ZYG11A: variants seen among roughly 807,000 people sequenced by gnomAD.
ZYG11A encodes the protein protein zyg-11 homolog A.
Under a neutral mutation model 77.2 loss-of-function variants are expected in ZYG11A, and 62 were observed. That is an observed-to-expected ratio of 0.80 (90% confidence interval 0.65 to 0.99). The LOEUF is 0.99. Ranked by LOEUF, ZYG11A falls within the 50% of genes least tolerant of loss-of-function variation. The pLI, the probability that ZYG11A is intolerant of heterozygous loss-of-function variation, is 0.00. For missense variants in ZYG11A, 828 were observed against 896.8 expected, an observed-to-expected ratio of 0.92 and a Z score of 0.98; for synonymous variants, 315 against 324.6, an observed-to-expected ratio of 0.97 and a Z score of 0.32.
intron 13 of ZYG11A, among the ~76,000 whole-genome samples, chr1:52,889,430 C>G (rs935137538): frequency 6.7e-6 from 1 of 150,362 alleles, no homozygotes; most frequent in Non-Finnish European, 1.5e-5. Context: ...AATTTTTTTT[C>G]TTTTAAATTA....
At chr1:52,869,922 C>T (rs1280526992) in intron 8 of ZYG11A, among the ~76,000 whole-genome samples, 4 of 67,336 alleles carry the variant, frequency 5.9e-5, no homozygotes, top group East Asian at 4.2e-4. Flanking sequence ...ACCCCCCCCA[C>T]ACCTCCCTCC....
Position 52,881,627 on chromosome 1 carries a change from T to C in ZYG11A, c.1906T>C (p.Ser636Pro). The C allele has an allele frequency of 6.4e-7, 1 of 1,552,324 alleles. No homozygotes were observed. Among genetic ancestry groups the C allele is most frequent in the Non-Finnish European group, 8.7e-7 (1 of 1,147,126 alleles). The stretch of plus-strand genomic sequence containing the variant: ...GACATCTGACAGACAGCTTTGGATA[T>C]CCCGTGACTTCCAGAGGCGTACTCT... Reference protein sequence around the residue: ...HLTSDRQLWISRDFQRRTLLQ... With the variant: ...HLTSDRQLWIPRDFQRRTLLQ... Residue 636 changes from serine (S) to proline (P), a missense_variant, in exon 11 of 14, where the codon TCC (serine) becomes CCC (proline). Physicochemically the swap from Ser to Pro is moderately conservative, Grantham distance 74. Transcript: ENST00000371528.
At chr1:52,887,589 C>A (rs943012426) in intron 13 of ZYG11A, among the ~76,000 whole-genome samples, 5 of 151,732 alleles carry the variant, frequency 3.3e-5, no homozygotes, top group African/African-American at 1.2e-4. Flanking sequence ...ATTTAAAATC[C>A]CTTTTGAGGC....
At chr1:52,879,973 C>G (rs1374405934) in intron 10 of ZYG11A, among the ~76,000 whole-genome samples, 2 of 151,266 alleles carry the variant, frequency 1.3e-5, no homozygotes, top group Non-Finnish European at 2.9e-5. Flanking sequence ...ACCATGTTAG[C>G]CAGGATGGTC....
At chr1:52,890,348 C>A (rs1357066837) in intron 13 of ZYG11A, among the ~76,000 whole-genome samples, 1 of 143,830 alleles carries the variant, frequency 7.0e-6, no homozygotes, top group Non-Finnish European at 1.5e-5. Flanking sequence ...GGTTCCCCTG[C>A]CTCAGCCTCC....
At chr1:52,856,062 T>C (rs1039474848) in intron 2 of ZYG11A, among the ~76,000 whole-genome samples, 8 of 152,196 alleles carry the variant, frequency 5.3e-5, no homozygotes, top group Non-Finnish European at 1.2e-4. Flanking sequence ...GGCTGTACTA[T>C]TTTACATTCC....
At chr1:52,874,357 G>C (rs148534711) in intron 8 of ZYG11A, among the ~76,000 whole-genome samples, 3,838 of 152,134 alleles carry the variant, frequency 0.025, 70 homozygotes, top group Non-Finnish European at 0.04. Context: ...TGATCTTCCT[G>C]CCTCAGCCTC....
chr1:52,877,291 T>C (rs1275417540), intron 8 of ZYG11A, among the ~76,000 whole-genome samples: 1 of 152,210 alleles, frequency 6.6e-6, no homozygotes, highest in Non-Finnish European at 1.5e-5. Context: ...ACAACCAAAA[T>C]TTAAAATTCT....
chr1:52,866,647 A>G, intron 6 of ZYG11A, 80 bp downstream of exon 6: 1 of 809,014 alleles, frequency 1.2e-6, no homozygotes, highest in Non-Finnish European at 2.0e-6. Context: ...GGCTGGGATA[A>G]GGTGTTTGGA....
intron 6 of ZYG11A, 139 bp downstream of exon 6, chr1:52,866,706 C>T (rs1646033325): frequency 1.9e-6 from 1 of 536,558 alleles, no homozygotes; most frequent in Admixed American, 3.5e-5. Flanking sequence ...TAGAAGTACC[C>T]TACTAGAAAA....
At chr1:52,878,949 C>CAAA (rs914463472) in intron 10 of ZYG11A, among the ~76,000 whole-genome samples, 14 of 27,256 alleles carry the variant, frequency 5.1e-4, no homozygotes, top group African/African-American at 1.1e-3. Context: ...AAACTCTGCT[C>CAAA]AAAAAAAAAA....
At chr1:52,859,426 C>T (rs1041899835) in intron 3 of ZYG11A, among the ~76,000 whole-genome samples, 2 of 151,988 alleles carry the variant, frequency 1.3e-5, no homozygotes, top group Non-Finnish European at 2.9e-5. Flanking sequence ...ATCTCCGCCT[C>T]CCGGGTTCAC....
chr1:52,867,587 C>G lies in ZYG11A; in HGVS notation c.1440C>G (p.Asn480Lys). 1 of 1,552,296 alleles carries G rather than the reference C, an allele frequency of 6.4e-7. No individual in the cohort carries two copies. Among genetic ancestry groups the G allele is most frequent in the Non-Finnish European group, 8.7e-7 (1 of 1,147,128 alleles). The change falls in exon 7 of 14, where the codon AAC becomes AAG. Residue 480 changes from asparagine to lysine, a missense_variant. Transcript: ENST00000371528. ...FVMRWLCKHE[N>K]PKMQTMAVSV... Reference sequence around the variant, plus strand: ...TGAGATGGCTCTGTAAGCATGAAAACCCCAAGATGCAAACAATGGCAGTGA... The same window carrying G: ...TGAGATGGCTCTGTAAGCATGAAAAGCCCAAGATGCAAACAATGGCAGTGA...
At chr1:52,854,758 A>G in intron 2 of ZYG11A, 128 bp downstream of exon 2, 1 of 993,056 alleles carries the variant, frequency 1.0e-6, no homozygotes, top group Non-Finnish European at 1.4e-6. Flanking sequence ...GTTGAGACTC[A>G]CTCTTTCTGG....
At position 52,867,771 on chromosome 1, in the gene ZYG11A, A is replaced by T; in HGVS notation, c.1536A>T (p.Ala512=). 6.4e-7 allele frequency: 1 copy of T among 1,551,400 alleles called. No homozygotes were observed. Among genetic ancestry groups the T allele is most frequent in the Non-Finnish European group, 8.7e-7 (1 of 1,146,912 alleles). ...QTAQLEELFM[A]VKELLAIVKQ... The stretch of plus-strand genomic sequence containing the variant: ...CACAGCTTGAAGAGCTTTTCATGGC[A>T]GTTAAGGTAGGTTCCTTGTCATGTT... Residue 512 remains alanine, a synonymous_variant, in exon 8 of 14, where the codon GCA becomes GCT. Coordinates refer to ENST00000371528, the MANE Select transcript of ZYG11A (RefSeq NM_001004339.3).
chr1:52,862,173 C>T (rs946828288), intron 4 of ZYG11A, among the ~76,000 whole-genome samples: 2 of 151,652 alleles, frequency 1.3e-5, no homozygotes, highest in African/African-American at 4.8e-5. Flanking sequence ...GATACCACTG[C>T]ACTCCAGCCT....
chr1:52,848,687 G>A (rs1451831444), intron 1 of ZYG11A, among the ~76,000 whole-genome samples: 1 of 151,980 alleles, frequency 6.6e-6, no homozygotes, highest in African/African-American at 2.4e-5. Context: ...TTCAAGACCA[G>A]CCTGGAGAAT....
At chr1:52,859,008 G>T (rs879665557) in intron 3 of ZYG11A, among the ~76,000 whole-genome samples, 20 of 152,076 alleles carry the variant, frequency 1.3e-4, no homozygotes, top group Non-Finnish European at 2.8e-4. Flanking sequence ...ATACTCATTA[G>T]TTGTGTTAAC....
At chr1:52,870,799 G>C (rs1646146111) in intron 8 of ZYG11A, among the ~76,000 whole-genome samples, 1 of 152,050 alleles carries the variant, frequency 6.6e-6, no homozygotes, top group South Asian at 2.1e-4. Flanking sequence ...GCAGTGAGCT[G>C]AGATGGCAGC....
Sources: allele counts gnomAD v4.1 joint callset (sites outside exome capture counted in the v4.1 genomes callset), GRCh38; gene constraint gnomAD v4.1.1; transcripts MANE v1.5; gene names NCBI Gene and HGNC (gene_info 2026-07-23, HGNC 2026-07-21).